The following TRIOBP variants were observed in gnomAD, a reference collection of about 807,000 sequenced individuals.
TRIOBP encodes TRIO and F-actin binding protein, also known as TRIO and F-actin-binding protein.
TRIOBP carries 169 observed loss-of-function variants against 238.8 expected under a neutral mutation model. That is an observed-to-expected ratio of 0.71 (90% confidence interval 0.62 to 0.80). The LOEUF is 0.80. Ranked by LOEUF, TRIOBP falls within the 30% of genes least tolerant of loss-of-function variation. TRIOBP has a pLI of 0.00. For missense variants in TRIOBP, 2,838 were observed against 3,122.6 expected (o/e 0.91, Z 2.17); for synonymous variants, 1,150 against 1,274.4 (o/e 0.90, Z 2.08).
intron 21 of TRIOBP, among the ~76,000 whole-genome samples, chr22:37,770,546 T>A (rs1425705332): frequency 6.6e-6 from 1 of 151,826 alleles, no homozygotes; most frequent in Non-Finnish European, 1.5e-5. Flanking sequence ...CCTGGATAAT[T>A]TTGTATTTTT....
intron 20 of TRIOBP, 27 bp downstream of exon 20, chr22:37,769,214 C>T (rs746657916): frequency 1.9e-6 from 3 of 1,591,918 alleles, no homozygotes; most frequent in African/African-American, 1.3e-5. Flanking sequence ...GTTGGGGGGA[C>T]ACGGGTGGGT....
intron 21 of TRIOBP, 78 bp from the exon 22 acceptor site, chr22:37,771,572 A>C: frequency 3.0e-6 from 4 of 1,313,916 alleles, no homozygotes; most frequent in Non-Finnish European, 4.4e-6. Flanking sequence ...AGGCAGAGAG[A>C]ACCCGGGCTG....
chr22:37,701,295 AT>A lies in TRIOBP; in HGVS notation c.-60-6del. On this transcript the variant is annotated splice_polypyrimidine_tract_variant and intron_variant, in intron 2 of 23. Coordinates refer to ENST00000644935, the MANE Select transcript of TRIOBP (RefSeq NM_001039141.3). ...GTCATCTGGTCTTTGCCTCCCCCTC[AT>A]TTTTGCCAGGCCTCACATAGACGGT... is the stretch of plus-strand genomic sequence containing the variant. 1 of 1,281,156 alleles carries A rather than the reference AT, an allele frequency of 7.8e-7. No homozygotes were observed. The highest frequency in any genetic ancestry group is 1.1e-6 in the Non-Finnish European group (1 of 895,622). 79.4% of individuals were successfully genotyped at this position (1,281,156 alleles called of 1,614,324 possible).
intron 10 of TRIOBP, among the ~76,000 whole-genome samples, chr22:37,739,005 G>T (rs1924812576): frequency 6.6e-6 from 1 of 152,112 alleles, no homozygotes; most frequent in African/African-American, 2.4e-5. Context: ...GCAAATGATG[G>T]TTTGGCCCCA....
intron 9 of TRIOBP, 114 bp downstream of exon 9, chr22:37,735,556 C>T (rs1924629959): frequency 8.0e-7 from 1 of 1,257,524 alleles, no homozygotes; most frequent in African/African-American, 1.5e-5. Flanking sequence ...CCCCTCCAGG[C>T]TCAGACCTCA....
At chr22:37,748,155 A>G (rs1023196914) in intron 11 of TRIOBP, among the ~76,000 whole-genome samples, 3 of 152,190 alleles carry the variant, frequency 2.0e-5, no homozygotes, top group Non-Finnish European at 4.4e-5. Context: ...GACAGGGGCA[A>G]TAGAGAGCCA....
At chr22:37,699,547 C>CT (rs922906125) in intron 2 of TRIOBP, among the ~76,000 whole-genome samples, 18 of 146,932 alleles carry the variant, frequency 1.2e-4, no homozygotes, top group African/African-American at 2.0e-4. Flanking sequence ...TGGGGAATCA[C>CT]TTTTTTTTTT....
intron 11 of TRIOBP, among the ~76,000 whole-genome samples, chr22:37,747,974 G>C (rs1925371846): frequency 6.6e-6 from 1 of 152,234 alleles, no homozygotes; most frequent in Non-Finnish European, 1.5e-5. Context: ...ATCCCTGCTG[G>C]TGGCAGCAGC....
rs1197708771 is a variant in TRIOBP, at chr22:37,724,945, C to T, written c.2389C>T (p.Gln797Ter). The change falls in exon 7 of 24, where the codon CAG becomes TAG. Residue 797 changes from glutamine (Q) to a stop codon, truncating the protein, a stop_gained. Coordinates refer to ENST00000644935, the MANE Select transcript of TRIOBP (RefSeq NM_001039141.3). LOFTEE classifies it high-confidence loss of function. ...AGACAACCCCAGAACATCCTGTGCC[C>T]AGCGGGACAATCTCAGAGCCTCCTC... ...TRDNPRTSCAQRDNLRASSPI... is the reference protein window; with the variant it reads ...TRDNPRTSCA 6.2e-7 allele frequency: 1 copy of T among 1,614,018 alleles called. No individual in the cohort carries two copies. The highest frequency in any genetic ancestry group is 8.5e-7 in the Non-Finnish European group (1 of 1,179,996).
Position 37,774,905 on chromosome 22 carries a change from C to T in TRIOBP, c.*1125C>T, listed in dbSNP as rs1396058866. 1 of 152,354 alleles carries T rather than the reference C, an allele frequency of 6.6e-6. No individual in the cohort carries two copies. The highest frequency in any genetic ancestry group is 2.4e-5 in the African/African-American group (1 of 41,470). The allele number at this position is 152,354 out of a possible 1,614,324, so 9.4% of individuals were successfully genotyped here. On this transcript the variant is annotated 3_prime_UTR_variant, in exon 24 of 24. Coordinates refer to ENST00000644935, the MANE Select transcript of TRIOBP (RefSeq NM_001039141.3). ...ATGACCTTGGGCAAGTCACACCCCT[C>T]ACTGAGCCTCAGTTTGCTTCTCCAT...
intron 2 of TRIOBP, among the ~76,000 whole-genome samples, chr22:37,698,643 G>A (rs374254254): frequency 7.9e-5 from 12 of 152,040 alleles, no homozygotes; most frequent in South Asian, 2.1e-4. Flanking sequence ...GTGAGCCACC[G>A]CACCTGGCCA....
chr22:37,738,536 G>T lies in TRIOBP; in HGVS notation c.5107-106G>T, dbSNP rs1924789504. The T allele has an allele frequency of 7.6e-6, 8 of 1,059,322 alleles. No individual in the cohort carries two copies. In the South Asian group the frequency reaches 9.4e-5, roughly 12 times the overall value. The allele number at this position is 1,059,322 out of a possible 1,614,324, so 65.6% of individuals were successfully genotyped here. The stretch of plus-strand genomic sequence containing the variant: ...ATGGATCTACTGATGCTGGACGTTA[G>T]ATGGGTGTTGCATGGACAGATGATA... On this transcript the variant is annotated intron_variant, in intron 9 of 23. Transcript: ENST00000644935.
chr22:37,733,325 G>A lies in TRIOBP; in HGVS notation c.3975G>A (p.Gln1325=), dbSNP rs7284476. 659,100 of 1,550,746 alleles carry A rather than the reference G, an allele frequency of 0.43. 144,271 individuals carry two copies. The highest frequency in any genetic ancestry group is 0.56 in the East Asian group (22,934 of 40,958). ...RRKSEAAGAF[Q]AQDEGRSQQP... ...AGTCCGAGGCAGCGGGGGCCTTCCA[G>A]GCCCAGGACGAGGGACGGTCACAGC... The change falls in exon 8 of 24, where the codon CAG becomes CAA. Residue 1325 remains glutamine, a synonymous_variant. Coordinates refer to ENST00000644935, the MANE Select transcript of TRIOBP (RefSeq NM_001039141.3).
intron 14 of TRIOBP, 38 bp from the exon 15 acceptor site, chr22:37,755,512 T>A: frequency 5.7e-6 from 9 of 1,576,062 alleles, no homozygotes; most frequent in Non-Finnish European, 7.9e-6. Context: ...GTCATGCGGC[T>A]GGCCATGTGG....
At chr22:37,727,041 G>A (rs893004100) in intron 7 of TRIOBP, among the ~76,000 whole-genome samples, 2 of 151,736 alleles carry the variant, frequency 1.3e-5, no homozygotes, top group African/African-American at 4.8e-5. Context: ...CGAGTAGCTG[G>A]GATTACAGGC....
At position 37,757,609 on chromosome 22, in the gene TRIOBP, C is replaced by G; in HGVS notation, c.5688-4C>G. On this transcript the variant is annotated splice_polypyrimidine_tract_variant and splice_region_variant and intron_variant, in intron 15 of 23. Transcript: ENST00000644935. ...CACCTGACGTGGCTCTGCTGGTGCC[C>G]TAGGCTCTCGGACTCTAACAAGGAG... 6.3e-7 allele frequency: 1 copy of G among 1,576,540 alleles called. No individual in the cohort carries two copies. Among genetic ancestry groups the G allele is most frequent in the Non-Finnish European group, 8.6e-7 (1 of 1,164,590 alleles).
chr22:37,750,619 G>A (rs1181685135), intron 11 of TRIOBP: 4 of 471,056 alleles, frequency 8.5e-6, no homozygotes, highest in Admixed American at 4.7e-5. Context: ...CGTGAGCAGA[G>A]CCTGTGTCTC....
chr22:37,737,315 G>A (rs1479055198), intron 9 of TRIOBP, among the ~76,000 whole-genome samples: 1 of 152,078 alleles, frequency 6.6e-6, no homozygotes, highest in Non-Finnish European at 1.5e-5. Context: ...ATGACAAAAC[G>A]AGTAACCACC....
Position 37,775,871 on chromosome 22 carries a change from T to A in TRIOBP, c.*2091T>A, listed in dbSNP as rs1165827641. On this transcript the variant is annotated 3_prime_UTR_variant, in exon 24 of 24. Transcript: ENST00000644935. ...ATCTTCCCTCATCAATAGCTAAAAA[T>A]GGCAAAGAAGAAAGAGCCAGGACCC... 1 of 152,118 alleles carries A rather than the reference T, an allele frequency of 6.6e-6. No individual in the cohort carries two copies. 9.4% of individuals were successfully genotyped at this position (152,118 alleles called of 1,614,324 possible).
Sources: allele counts gnomAD v4.1 joint callset (sites outside exome capture counted in the v4.1 genomes callset), GRCh38; gene constraint gnomAD v4.1.1; transcripts MANE v1.5; gene names NCBI Gene and HGNC (gene_info 2026-07-23, HGNC 2026-07-21).